FSTL4: variants seen among roughly 807,000 people sequenced by gnomAD.
FSTL4 encodes the protein follistatin like 4, also known as follistatin-related protein 4.
A neutral mutation model predicts 78.2 loss-of-function variants in FSTL4; 28 were observed. The observed-to-expected ratio is 0.36, with a 90% CI of 0.27 to 0.49. The LOEUF is 0.49. FSTL4 is among the 20% of genes least tolerant of loss of function. The pLI, the probability that FSTL4 is intolerant of heterozygous loss-of-function variation, is 0.98. For synonymous variants in FSTL4, 422 were observed against 440.5 expected, an observed-to-expected ratio of 0.96 and a Z score of 0.53; for missense variants, 922 against 1,084.9, an observed-to-expected ratio of 0.85 and a Z score of 2.11.
intron 3 of FSTL4, 32 bp downstream of exon 3, chr5:133,567,154 A>T: frequency 6.7e-7 from 1 of 1,503,074 alleles, no homozygotes; most frequent in Non-Finnish European, 9.3e-7. Flanking sequence ...TCAACACTGA[A>T]AATAAAATGG....
At chr5:133,604,134 G>T in intron 1 of FSTL4, 141 bp from the exon 2 acceptor site, 1 of 612,912 alleles carries the variant, frequency 1.6e-6, no homozygotes, top group Non-Finnish European at 2.9e-6. Flanking sequence ...ACCTTGGAGA[G>T]GTTATATTAC....
the FSTL4 span, among the ~76,000 whole-genome samples, chr5:133,712,976 A>G: frequency 6.6e-6 from 1 of 152,144 alleles, no homozygotes; most frequent in Non-Finnish European, 1.5e-5. Flanking sequence ...GCCCCACTAG[A>G]AGGCCAGAAT....
At chr5:133,512,675 C>T (rs113458459) in intron 3 of FSTL4, among the ~76,000 whole-genome samples, 19 of 152,106 alleles carry the variant, frequency 1.2e-4, no homozygotes, top group African/African-American at 4.1e-4. Flanking sequence ...AAATGTGTAC[C>T]TTCACACATA....
the FSTL4 span, among the ~76,000 whole-genome samples, chr5:133,650,961 C>T: frequency 6.6e-6 from 1 of 152,118 alleles, no homozygotes. Flanking sequence ...CTTATATGTA[C>T]TTTGTTTTAT....
intron 2 of FSTL4, among the ~76,000 whole-genome samples, chr5:133,580,507 C>A (rs1760377991): frequency 6.6e-6 from 1 of 152,164 alleles, no homozygotes; most frequent in South Asian, 2.1e-4. Context: ...AACAAACACA[C>A]AAACAAAGGA....
At chr5:133,242,148 A>G (rs962717413) in intron 7 of FSTL4, among the ~76,000 whole-genome samples, 4 of 152,232 alleles carry the variant, frequency 2.6e-5, no homozygotes, top group Non-Finnish European at 4.4e-5. Flanking sequence ...AAGGATGTTT[A>G]CTGCAGTCTT....
intron 6 of FSTL4, among the ~76,000 whole-genome samples, chr5:133,292,359 G>A (rs1182568847): frequency 6.6e-6 from 1 of 152,124 alleles, no homozygotes; most frequent in African/African-American, 2.4e-5. Flanking sequence ...TGTGAACCAT[G>A]CCCTTTCCTC....
At position 133,277,857 on chromosome 5, in the gene FSTL4, A is replaced by G. The variant is rs374145556; in HGVS notation, c.728-28281T>C. ...GGGACACTTGGTGCTGATGTGAAGC[A>G]AAAGATAAAGAACAGCCAGTCCGGA... On this transcript the variant is annotated intron_variant, in intron 6 of 15. Transcript: ENST00000265342. Among the ~76,000 whole-genome samples the G allele has an allele frequency of 7.9e-4, 120 of 152,336 alleles. No individual in the cohort carries two copies. In the East Asian group the frequency reaches 0.021, roughly 27 times the overall value.
chr5:133,667,376 T>TA, the FSTL4 span, among the ~76,000 whole-genome samples: 3 of 152,234 alleles, frequency 2.0e-5, no homozygotes, highest in Non-Finnish European at 4.4e-5. Flanking sequence ...TCCTACAATC[T>TA]GACTTTAACA....
the FSTL4 span, among the ~76,000 whole-genome samples, chr5:133,752,137 C>T: frequency 2.6e-5 from 4 of 152,214 alleles, no homozygotes; most frequent in South Asian, 8.3e-4. Context: ...AGGGATTGGG[C>T]CTGCCTTTGC....
chr5:133,594,350 C>T (rs1760698130), intron 2 of FSTL4, among the ~76,000 whole-genome samples: 1 of 152,170 alleles, frequency 6.6e-6, no homozygotes, highest in Non-Finnish European at 1.5e-5. Context: ...GCCACCATGC[C>T]CAGCTAATAT....
At chr5:133,555,334 T>C (rs1226656748) in intron 3 of FSTL4, among the ~76,000 whole-genome samples, 2 of 152,242 alleles carry the variant, frequency 1.3e-5, no homozygotes, top group African/African-American at 4.8e-5. Flanking sequence ...CCATAAACTC[T>C]TATTTTCAGA....
intron 13 of FSTL4, 41 bp from the exon 14 acceptor site, chr5:133,210,339 T>G (rs568081659): frequency 1.4e-5 from 16 of 1,157,434 alleles, no homozygotes; most frequent in Non-Finnish European, 2.1e-5. Context: ...GCTGACATGA[T>G]GGTCATTTCT....
the FSTL4 span, among the ~76,000 whole-genome samples, chr5:133,815,433 A>T: frequency 2.6e-5 from 4 of 152,186 alleles, no homozygotes; most frequent in African/African-American, 9.6e-5. Flanking sequence ...TGAGAGATTC[A>T]CGTTGGGTAA....
intron 4 of FSTL4, 112 bp from the exon 5 acceptor site, chr5:133,316,764 T>C: frequency 1.2e-6 from 1 of 811,768 alleles, no homozygotes. Flanking sequence ...GCGTTCACTA[T>C]GTGCAGTGCA....
At chr5:133,472,792 C>T (rs1757850894) in intron 3 of FSTL4, among the ~76,000 whole-genome samples, 1 of 152,258 alleles carries the variant, frequency 6.6e-6, no homozygotes, top group Non-Finnish European at 1.5e-5. Context: ...ACATCTTGGT[C>T]ATCAAGTCTA....
chr5:133,238,184 C>T (rs540279480), intron 7 of FSTL4, among the ~76,000 whole-genome samples: 4 of 152,278 alleles, frequency 2.6e-5, no homozygotes, highest in South Asian at 2.1e-4. Context: ...AAATGTTCAA[C>T]GCAAGGACTC....
intron 4 of FSTL4, among the ~76,000 whole-genome samples, chr5:133,339,206 C>A (rs1337218226): frequency 6.6e-6 from 1 of 152,194 alleles, no homozygotes; most frequent in Non-Finnish European, 1.5e-5. Flanking sequence ...CTCTTCAGAT[C>A]GGTGGGGCTG....
At chr5:133,504,465 A>G (rs1045899981) in intron 3 of FSTL4, among the ~76,000 whole-genome samples, 1 of 152,110 alleles carries the variant, frequency 6.6e-6, no homozygotes, top group Non-Finnish European at 1.5e-5. Context: ...CAGCCTCCAT[A>G]ATCCCCATTT....
Sources: allele counts gnomAD v4.1 joint callset (sites outside exome capture counted in the v4.1 genomes callset), GRCh38; gene constraint gnomAD v4.1.1; transcripts MANE v1.5; gene names NCBI Gene and HGNC (gene_info 2026-07-23, HGNC 2026-07-21).